TEAD1: variants seen among roughly 807,000 people sequenced by gnomAD.
The protein encoded by TEAD1 is TEA domain transcription factor 1, also known as transcriptional enhancer factor TEF-1.
Under a neutral mutation model 54.9 loss-of-function variants are expected in TEAD1, and 9 were observed. The observed-to-expected ratio is 0.16, with a 90% CI of 0.10 to 0.29. The LOEUF (loss-of-function observed/expected upper bound fraction) is 0.29, where lower values mean the gene tolerates loss of function less well. Among genes scored for constraint, TEAD1 ranks in the 10% least tolerant of loss-of-function variants. TEAD1 has a pLI of 1.00. For missense variants in TEAD1, 387 were observed against 535.9 expected (o/e 0.72, Z 2.74); for synonymous variants, 200 against 187.8 (o/e 1.07, Z -0.53).
chr11:12,677,684 C>T (rs193007315), intron 2 of TEAD1, among the ~76,000 whole-genome samples: 4 of 152,328 alleles, frequency 2.6e-5, no homozygotes, highest in East Asian at 3.9e-4. Flanking sequence ...TTTGTCCTTA[C>T]ATTTTCAGCA....
At chr11:12,770,955 C>T (rs1300868050) in intron 3 of TEAD1, among the ~76,000 whole-genome samples, 1 of 152,186 alleles carries the variant, frequency 6.6e-6, no homozygotes, top group South Asian at 2.1e-4. Context: ...TTTTGGATTT[C>T]CACCCCTTGG....
chr11:12,770,160 AT>A (rs767241610), intron 3 of TEAD1, among the ~76,000 whole-genome samples: 1 of 152,218 alleles, frequency 6.6e-6, no homozygotes, highest in Non-Finnish European at 1.5e-5. Flanking sequence ...GTAATGGGGA[AT>A]TTTTGAAATA....
chr11:12,709,833 T>C (rs1013290500), intron 2 of TEAD1, among the ~76,000 whole-genome samples: 1 of 152,170 alleles, frequency 6.6e-6, no homozygotes, highest in African/African-American at 2.4e-5. Flanking sequence ...CCAGCCCTGA[T>C]AGTTTCTTTT....
intron 3 of TEAD1, among the ~76,000 whole-genome samples, chr11:12,811,117 C>T (rs750298997): frequency 2.0e-5 from 3 of 152,178 alleles, no homozygotes; most frequent in East Asian, 1.9e-4. Flanking sequence ...ATGTCCACGG[C>T]GATTGATTGA....
chr11:12,833,504 A>G (rs546474497), intron 3 of TEAD1, among the ~76,000 whole-genome samples: 1 of 152,230 alleles, frequency 6.6e-6, no homozygotes, highest in East Asian at 1.9e-4. Flanking sequence ...TTCTTTTGAC[A>G]TTCATCATTA....
At chr11:12,819,594 G>A (rs868590966) in intron 3 of TEAD1, among the ~76,000 whole-genome samples, 6 of 151,900 alleles carry the variant, frequency 3.9e-5, no homozygotes, top group South Asian at 2.1e-4. Flanking sequence ...GACTACAGGC[G>A]CCCGCCACCA....
In TEAD1 at chr11:12,908,883, G is replaced by GTTTTTGTTTTTTTTTTTTTTTTTT. The variant is rs769023879; in HGVS notation, c.873+6775_873+6776insGTTTTTTTTTTTTTTTTTTTTTTT. Among the ~76,000 whole-genome samples, 179 of 99,604 alleles carry GTTTTTGTTTTTTTTTTTTTTTTTT rather than the reference G, an allele frequency of 1.8e-3. 2 individuals are homozygous for GTTTTTGTTTTTTTTTTTTTTTTTT. The highest frequency in any genetic ancestry group is 6.5e-3 in the East Asian group (16 of 2,462). 65.3% of individuals were successfully genotyped at this position (99,604 alleles called of 152,430 possible). ...TATGTCAGTATACTTCAAATTATCT[G>GTTTTTGTTTTTTTTTTTTTTTTTT]TTTTTTTTTTTTTGAGACAGTGTTG... On this transcript the variant is annotated intron_variant, in intron 10 of 12. Transcript: ENST00000527636.
intron 2 of TEAD1, among the ~76,000 whole-genome samples, chr11:12,679,000 A>T (rs1399373239): frequency 5.3e-5 from 8 of 152,156 alleles, no homozygotes. Flanking sequence ...TAGCTTTTAA[A>T]TTCTCCTTTG....
At chr11:12,894,145 G>A (rs939911899) in intron 9 of TEAD1, among the ~76,000 whole-genome samples, 1 of 152,160 alleles carries the variant, frequency 6.6e-6, no homozygotes, top group East Asian at 1.9e-4. Context: ...AAATTCCTAA[G>A]TGGATTATAA....
intron 2 of TEAD1, among the ~76,000 whole-genome samples, chr11:12,759,654 A>T (rs778513051): frequency 1.3e-5 from 2 of 152,190 alleles, no homozygotes; most frequent in Non-Finnish European, 2.9e-5. Context: ...TGAGGTCAGG[A>T]GTTCGAGACC....
chr11:12,861,984 CTTTTTTT>C (rs72145575), intron 3 of TEAD1, among the ~76,000 whole-genome samples: 12 of 124,366 alleles, frequency 9.6e-5, no homozygotes, highest in Admixed American at 9.1e-4. Flanking sequence ...GAAACTCTGT[CTTTTTTT>C]TTTTTTTTTT....
At chr11:12,805,554 A>G (rs1305729612) in intron 3 of TEAD1, among the ~76,000 whole-genome samples, 1 of 152,226 alleles carries the variant, frequency 6.6e-6, no homozygotes, top group Non-Finnish European at 1.5e-5. Context: ...AACCACTAGA[A>G]TTAGGGCCTT....
intron 2 of TEAD1, among the ~76,000 whole-genome samples, chr11:12,759,829 T>A (rs1024865394): frequency 6.6e-6 from 1 of 152,170 alleles, no homozygotes; most frequent in Non-Finnish European, 1.5e-5. Flanking sequence ...GCCACTGCAC[T>A]CCAGCCTGGG....
At chr11:12,866,638 G>A (rs186407091) in intron 5 of TEAD1, among the ~76,000 whole-genome samples, 2 of 152,262 alleles carry the variant, frequency 1.3e-5, no homozygotes, top group East Asian at 3.9e-4. Flanking sequence ...CTCTCTTTTG[G>A]GGCAGGCACA....
At chr11:12,696,427 A>G (rs926960133) in intron 2 of TEAD1, among the ~76,000 whole-genome samples, 2 of 152,184 alleles carry the variant, frequency 1.3e-5, no homozygotes, top group African/African-American at 2.4e-5. Context: ...TGTTTGACCC[A>G]TGGGTATAGA....
At chr11:12,741,508 A>G (rs758055048) in intron 2 of TEAD1, among the ~76,000 whole-genome samples, 3 of 152,326 alleles carry the variant, frequency 2.0e-5, no homozygotes, top group Middle Eastern at 3.4e-3. Context: ...TTGCTGATTA[A>G]GAGGTTTAAA....
intron 3 of TEAD1, among the ~76,000 whole-genome samples, chr11:12,769,978 A>G (rs113466130): frequency 1.7e-4 from 26 of 152,346 alleles, no homozygotes; most frequent in African/African-American, 6.3e-4. Context: ...AGTGGCTAGA[A>G]AAAAAGAAGG....
At chr11:12,798,701 A>G (rs1353906948) in intron 3 of TEAD1, among the ~76,000 whole-genome samples, 3 of 152,266 alleles carry the variant, frequency 2.0e-5, no homozygotes, top group African/African-American at 7.2e-5. Context: ...CCTTGTATTT[A>G]CGGTTGAGTT....
chr11:12,768,618 C>G (rs1395414424), intron 3 of TEAD1, among the ~76,000 whole-genome samples: 2 of 152,336 alleles, frequency 1.3e-5, no homozygotes, highest in South Asian at 2.1e-4. Flanking sequence ...ACATCTTGGA[C>G]TTTTCTACTG....
Sources: gnomAD v4.1 joint callset for allele counts (sites outside exome capture counted in the v4.1 genomes callset) on GRCh38, gnomAD v4.1.1 for gene constraint, MANE v1.5 for transcripts, NCBI Gene and HGNC (gene_info 2026-07-23, HGNC 2026-07-21) for gene names.